RYR3: variants seen among roughly 807,000 people sequenced by gnomAD.
RYR3 encodes the protein brain ryanodine receptor-calcium release channel.
Under a neutral mutation model 584.3 loss-of-function variants are expected in RYR3, and 207 were observed. The ratio of observed to expected loss-of-function variants is 0.35; its 90% CI spans 0.32 to 0.40. The LOEUF (loss-of-function observed/expected upper bound fraction) is 0.40, where lower values mean the gene tolerates loss of function less well. RYR3 is among the 10% of genes least tolerant of loss of function. The pLI is 1.00. For synonymous variants in RYR3, 2,416 were observed against 2,248.5 expected (o/e 1.07, Z -2.11); for missense variants, 5,616 against 6,089.2 (o/e 0.92, Z 2.59).
At chr15:33,864,287 A>ATTAATCCCGTGAATGCATTT (rs1488478544) in intron 103 of RYR3, 98 bp downstream of exon 103, 2 of 913,044 alleles carry the variant, frequency 2.2e-6, no homozygotes. Flanking sequence ...ACATGGCCCC[A>ATTAATCCCGTGAATGCATTT]TTAATCCCGT....
At chr15:33,540,950 T>C (rs2055768196) in intron 7 of RYR3, 60 bp downstream of exon 7, 3 of 1,115,334 alleles carry the variant, frequency 2.7e-6, no homozygotes, top group South Asian at 1.3e-5. Context: ...GCTGTATACA[T>C]TGACATTTTC....
intron 27 of RYR3, among the ~76,000 whole-genome samples, chr15:33,636,873 C>G (rs562129293): frequency 1.2e-4 from 18 of 152,276 alleles, no homozygotes; most frequent in African/African-American, 4.3e-4. Flanking sequence ...TTGTATATGA[C>G]TAATGTCATT....
At chr15:33,789,216 G>T (rs998701680) in intron 67 of RYR3, among the ~76,000 whole-genome samples, 1 of 152,114 alleles carries the variant, frequency 6.6e-6, no homozygotes, top group East Asian at 1.9e-4. Context: ...ACACGGGGCC[G>T]AGAGTCCAGG....
chr15:33,646,201 G>C, intron 28 of RYR3, 150 bp from the exon 29 acceptor site: 1 of 621,100 alleles, frequency 1.6e-6, no homozygotes, highest in Non-Finnish European at 2.8e-6. Flanking sequence ...CCCAAGTAAT[G>C]ATGAGAATCA....
chr15:33,533,252 A>G, intron 4 of RYR3, 59 bp from the exon 5 acceptor site: 4 of 1,176,454 alleles, frequency 3.4e-6, no homozygotes, highest in Non-Finnish European at 5.0e-6. Flanking sequence ...AACTAGTGGT[A>G]AGATACCAAG....
chr15:33,440,997 C>T (rs1010146850), intron 1 of RYR3, among the ~76,000 whole-genome samples: 2 of 152,132 alleles, frequency 1.3e-5, no homozygotes, highest in Admixed American at 6.5e-5. Flanking sequence ...TTTCTTGAGT[C>T]GCTTGGTGTT....
At chr15:33,699,197 T>C (rs895362390) in intron 40 of RYR3, among the ~76,000 whole-genome samples, 3 of 151,950 alleles carry the variant, frequency 2.0e-5, no homozygotes, top group African/African-American at 7.3e-5. Context: ...GTGGGCCTTA[T>C]GTGTCTACGA....
chr15:33,468,930 T>C (rs970251599), intron 1 of RYR3, among the ~76,000 whole-genome samples: 1 of 152,174 alleles, frequency 6.6e-6, no homozygotes, highest in African/African-American at 2.4e-5. Flanking sequence ...ACGTAACTGC[T>C]CTATACAGGC....
At chr15:33,682,531 AAAGTG>A (rs1265061556) in intron 38 of RYR3, among the ~76,000 whole-genome samples, 8 of 152,158 alleles carry the variant, frequency 5.3e-5, no homozygotes, top group Admixed American at 2.0e-4. Flanking sequence ...GCTAATTGCA[AAAGTG>A]AAGTGAATTA....
intron 38 of RYR3, among the ~76,000 whole-genome samples, chr15:33,694,145 T>G (rs1596191865): frequency 1.4e-5 from 2 of 144,972 alleles, no homozygotes; most frequent in South Asian, 4.7e-4. Context: ...GGCACTATCA[T>G]CCTAATATCA....
At position 33,854,251 on chromosome 15, in the gene RYR3, A is replaced by T. The variant is rs1472349853; in HGVS notation, c.13800-138A>T. The T allele has an allele frequency of 9.1e-6, 6 of 662,230 alleles. No individual in the cohort carries two copies. The East Asian group carries it at 1.7e-4, about 19-fold the overall frequency. The allele number at this position is 662,230 out of a possible 1,614,324, so 41.0% of individuals were successfully genotyped here. A position where few individuals can be genotyped will look rare whatever the true frequency, so the allele number is the denominator to read the frequency against. ...TCAACTGTTCTCTTGTCTCATGGGGAGCACATACAACTTGATAAAGCTGAG... is the reference window on the plus strand; with the variant it reads ...TCAACTGTTCTCTTGTCTCATGGGGTGCACATACAACTTGATAAAGCTGAG... On this transcript the variant is annotated intron_variant, in intron 96 of 103. Transcript: ENST00000634891.
intron 9 of RYR3, among the ~76,000 whole-genome samples, chr15:33,549,219 G>C (rs966583920): frequency 2.0e-5 from 3 of 152,116 alleles, no homozygotes; most frequent in Non-Finnish European, 4.4e-5. Flanking sequence ...CAGGACATTA[G>C]GCCTTAGTTC....
chr15:33,382,318 G>GTTTTTTTTT (rs1567133176), intron 1 of RYR3, among the ~76,000 whole-genome samples: 5 of 103,262 alleles, frequency 4.8e-5, no homozygotes, highest in African/African-American at 2.4e-4. Context: ...TTTAAAAGTG[G>GTTTTTTTTT]CTTTTTTTTT....
chr15:33,509,917 G>C (rs2052822562), intron 3 of RYR3, among the ~76,000 whole-genome samples: 1 of 152,138 alleles, frequency 6.6e-6, no homozygotes, highest in Non-Finnish European at 1.5e-5. Flanking sequence ...TTTTTAACTT[G>C]CTTGACTTGA....
intron 1 of RYR3, among the ~76,000 whole-genome samples, chr15:33,449,866 C>A (rs149386067): frequency 2.6e-5 from 4 of 152,078 alleles, no homozygotes; most frequent in Non-Finnish European, 4.4e-5. Context: ...AAAGATCCCC[C>A]AAATCCTGGG....
chr15:33,316,228 C>G (rs1968152002), intron 1 of RYR3, among the ~76,000 whole-genome samples: 1 of 152,030 alleles, frequency 6.6e-6, no homozygotes, highest in African/African-American at 2.4e-5. Context: ...GCTTATTTGC[C>G]TCTTTGCTTT....
intron 3 of RYR3, among the ~76,000 whole-genome samples, chr15:33,507,678 G>C (rs571654727): frequency 6.6e-6 from 1 of 152,188 alleles, no homozygotes; most frequent in Admixed American, 6.5e-5. Context: ...CTACAGAAAT[G>C]ACTTTAAAGT....
intron 3 of RYR3, among the ~76,000 whole-genome samples, chr15:33,522,898 A>T (rs1355730035): frequency 1.3e-5 from 2 of 152,152 alleles, no homozygotes; most frequent in Admixed American, 6.5e-5. Flanking sequence ...TTCATTAACT[A>T]TTAATATCAT....
intron 81 of RYR3, among the ~76,000 whole-genome samples, chr15:33,823,492 T>C (rs762130839): frequency 1.7e-4 from 26 of 152,228 alleles, no homozygotes; most frequent in Non-Finnish European, 3.4e-4. Context: ...CTAGGTACTT[T>C]GTTAATCTTT....
Sources: allele counts gnomAD v4.1 joint callset (sites outside exome capture counted in the v4.1 genomes callset), GRCh38; gene constraint gnomAD v4.1.1; transcripts MANE v1.5; gene names NCBI Gene and HGNC (gene_info 2026-07-23, HGNC 2026-07-21).